Variants in PCNX2 observed in about 807,000 individuals in gnomAD.
PCNX2 encodes pecanex-like protein 2.
PCNX2 carries 168 observed loss-of-function variants against 223.8 expected under a neutral mutation model. The ratio of observed to expected loss-of-function variants is 0.75; its 90% CI spans 0.66 to 0.85. The LOEUF (loss-of-function observed/expected upper bound fraction) is 0.85, where lower values mean the gene tolerates loss of function less well. Ranked by LOEUF, PCNX2 falls within the 40% of genes least tolerant of loss-of-function variation. The probability of loss-of-function intolerance (pLI) is 0.00; values close to 1 mark genes in which losing one functional copy is unlikely to be tolerated. For synonymous variants in PCNX2, 1,006 were observed against 1,052.6 expected, an observed-to-expected ratio of 0.96 and a Z score of 0.86; for missense variants, 2,507 against 2,675.5, an observed-to-expected ratio of 0.94 and a Z score of 1.39.
At chr1:233,093,226 A>G (rs1673978540) in intron 22 of PCNX2, among the ~76,000 whole-genome samples, 1 of 152,240 alleles carries the variant, frequency 6.6e-6, no homozygotes, top group Non-Finnish European at 1.5e-5. Context: ...TCTAATTATT[A>G]GAAGACAATG....
intron 1 of PCNX2, among the ~76,000 whole-genome samples, chr1:233,277,847 T>C (rs1572193475): frequency 6.6e-6 from 1 of 151,868 alleles, no homozygotes; most frequent in East Asian, 1.9e-4. Context: ...GAGACAGACT[T>C]GAAGAGAAGA....
At position 233,258,143 on chromosome 1, in the gene PCNX2, C is replaced by G. The variant is rs1659836798; in HGVS notation, c.1719G>C (p.Glu573Asp). The change falls in exon 5 of 34, where the codon GAG becomes GAC. Residue 573 changes from glutamate to aspartate, a missense_variant. By Grantham distance (45) the Glu-to-Asp change is conservative. Transcript: ENST00000258229. ...LEAKEGQMPNESNFLEFVSLL... is the reference protein window; with the variant it reads ...LEAKEGQMPNDSNFLEFVSLL... ...GGGAGACAAATTCCAGGAAGTTGGA[C>G]TCATTTGGCATTTGTCCTTCCTTAG... The G allele has an allele frequency of 6.2e-7, 1 of 1,613,946 alleles. No individual in the cohort carries two copies. Among genetic ancestry groups the G allele is most frequent in the East Asian group, 2.2e-5 (1 of 44,860 alleles).
At chr1:233,086,893 TGAG>T (rs914182985) in intron 23 of PCNX2, 2 of 477,262 alleles carry the variant, frequency 4.2e-6, no homozygotes, top group Non-Finnish European at 5.5e-6. Context: ...TGCAGGCTTT[TGAG>T]GAGAAGAGTG....
At chr1:233,296,116 C>G (rs777523781), upstream of PCNX2, among the ~76,000 whole-genome samples, 1 of 151,454 alleles carries the variant, frequency 6.6e-6, no homozygotes, top group South Asian at 2.1e-4. Flanking sequence ...CGTTCCTTGT[C>G]CTTGTCCTTT....
intron 15 of PCNX2, among the ~76,000 whole-genome samples, chr1:233,196,957 T>C (rs1680774586): frequency 6.6e-6 from 1 of 152,184 alleles, no homozygotes; most frequent in South Asian, 2.1e-4. Flanking sequence ...ATGATTGTGA[T>C]GGTGGTAACT....
intron 22 of PCNX2, among the ~76,000 whole-genome samples, chr1:233,095,201 T>C (rs1408583567): frequency 5.9e-5 from 9 of 152,242 alleles, no homozygotes; most frequent in Admixed American, 4.6e-4. Context: ...AAAACTATTA[T>C]GTAAACATTG....
intron 12 of PCNX2, among the ~76,000 whole-genome samples, chr1:233,209,702 G>C (rs1681715385): frequency 1.3e-5 from 2 of 152,190 alleles, no homozygotes; most frequent in Admixed American, 6.5e-5. Context: ...GTCCATGGAG[G>C]CTGGCTATGC....
rs1674128937 is a variant in PCNX2 at position 233,095,817 on chromosome 1, G to A, written c.3884C>T (p.Ala1295Val). Residue 1295 changes from alanine (A) to valine (V), a missense_variant, in exon 22 of 34, where the codon GCT becomes GTT. By Grantham distance (64) the Ala-to-Val change is moderately conservative (BLOSUM62 0). This residue lies in a region of PCNX2 where 1,372 missense variants were observed against 1,509.4 expected (regional missense o/e 0.91). Coordinates refer to ENST00000258229, the MANE Select transcript of PCNX2 (RefSeq NM_014801.4). ...AGAACCCCAAGCCATCTGCCAAGGA[G>A]CCACATATGTCAGGACGAACTGTAA... is the stretch of plus-strand genomic sequence containing the variant. The part of the protein sequence containing the change: ...HKLQFVLTYV[A>V]PWQMAWGSSF... The A allele has an allele frequency of 6.2e-7, 1 of 1,612,796 alleles. No individual in the cohort carries two copies. Among genetic ancestry groups the A allele is most frequent in the African/African-American group, 1.3e-5 (1 of 74,916 alleles).
intron 15 of PCNX2, 133 bp from the exon 16 acceptor site, chr1:233,179,308 G>T: frequency 2.2e-6 from 2 of 914,502 alleles, no homozygotes; most frequent in Non-Finnish European, 1.6e-6. Flanking sequence ...CCTGCCCACG[G>T]ACATATAAGC....
chr1:233,285,219 G>T (rs1374904761), intron 1 of PCNX2, among the ~76,000 whole-genome samples: 3 of 152,176 alleles, frequency 2.0e-5, no homozygotes, highest in Non-Finnish European at 4.4e-5. Flanking sequence ...AGATGTGGTG[G>T]TGCATGCCTG....
chr1:233,064,875 GA>G (rs1672533200), intron 23 of PCNX2, among the ~76,000 whole-genome samples: 2 of 152,064 alleles, frequency 1.3e-5, no homozygotes, highest in African/African-American at 4.8e-5. Context: ...TAGCCATACT[GA>G]AAAAATAGGA....
chr1:233,073,122 TTGTA>T (rs1237252336), intron 23 of PCNX2, among the ~76,000 whole-genome samples: 3 of 152,160 alleles, frequency 2.0e-5, no homozygotes, highest in African/African-American at 4.8e-5. Context: ...CTTTGGTAGT[TTGTA>T]TGTCTTTAGG....
At position 233,000,656 on chromosome 1, in the gene PCNX2, C is replaced by G. The variant is rs1391507380; in HGVS notation, c.5098-121G>C. On this transcript the variant is annotated intron_variant, in intron 29 of 33. Transcript: ENST00000258229. The surrounding 1 kb of genome is among the most constrained non-coding windows in gnomAD (Gnocchi z 4.6). ...CTAAGCTCTTTCCTCATCTTCCTCT[C>G]TCCTGTTCTTTTTCCAAATCCTGAG... 1.3e-6 allele frequency: 1 copy of G among 756,792 alleles called. No homozygotes were observed. The highest frequency in any genetic ancestry group is 1.8e-5 in the African/African-American group (1 of 57,074). The allele number at this position is 756,792 out of a possible 1,614,324, so 46.9% of individuals were successfully genotyped here.
chr1:233,234,494 T>A (rs1193531396), intron 9 of PCNX2, among the ~76,000 whole-genome samples: 1 of 152,090 alleles, frequency 6.6e-6, no homozygotes, highest in Admixed American at 6.6e-5. Flanking sequence ...ATGAGTTGAG[T>A]TTTTATGCAT....
At chr1:233,037,600 C>G (rs1192622591) in intron 25 of PCNX2, among the ~76,000 whole-genome samples, 1 of 152,152 alleles carries the variant, frequency 6.6e-6, no homozygotes, top group African/African-American at 2.4e-5. Context: ...CCCGGGATTA[C>G]AGACATGCAC....
In PCNX2 at chr1:233,001,770, A is replaced by T; in HGVS notation, c.4953-89T>A. The T allele has an allele frequency of 1.6e-6, 2 of 1,242,828 alleles. No individual in the cohort carries two copies. The highest frequency in any genetic ancestry group is 2.4e-5 in the South Asian group (1 of 41,234). 77.0% of individuals were successfully genotyped at this position (1,242,828 alleles called of 1,614,324 possible). A position where few individuals can be genotyped will look rare whatever the true frequency, so the allele number is the denominator to read the frequency against. ...TGAGTCTCCCATTTGTCTAAGAATT[A>T]TCTTAACATTTAGGCTGATATAGCA... On this transcript the variant is annotated intron_variant, in intron 28 of 33. Coordinates refer to ENST00000258229, the MANE Select transcript of PCNX2 (RefSeq NM_014801.4). This position sits in a 1 kb window ranked among gnomAD's most constrained non-coding sequence, Gnocchi z 4.2.
chr1:233,103,928 C>T lies in PCNX2; in HGVS notation c.3838-8065G>A, dbSNP rs575063576. 1.8e-4 allele frequency among the ~76,000 whole-genome samples: 28 copies of T among 152,300 alleles called. No homozygotes were observed. The East Asian group carries it at 5.2e-3, about 28-fold the overall frequency. ...ATGCAAGAGGGTTCTCATTTCTCCA[C>T]ATCCTCACCAGCATTTGTTATCATC... On this transcript the variant is annotated intron_variant, in intron 21 of 33. Coordinates refer to ENST00000258229, the MANE Select transcript of PCNX2 (RefSeq NM_014801.4).
At chr1:233,142,027 G>A (rs575694218) in intron 19 of PCNX2, among the ~76,000 whole-genome samples, 1 of 152,318 alleles carries the variant, frequency 6.6e-6, no homozygotes, top group South Asian at 2.1e-4. Flanking sequence ...GGGAGGAAGA[G>A]TGGGAGGAGA....
At chr1:233,078,077 G>A (rs185561145) in intron 23 of PCNX2, among the ~76,000 whole-genome samples, 8 of 152,304 alleles carry the variant, frequency 5.3e-5, no homozygotes, top group South Asian at 4.1e-4. Context: ...AATAAAGTAG[G>A]ATTAGAGTCA....
Sources: allele counts gnomAD v4.1 joint callset (sites outside exome capture counted in the v4.1 genomes callset), GRCh38; gene constraint gnomAD v4.1.1; regional missense constraint gnomAD v4.1.1; non-coding constraint Gnocchi (gnomAD v3.1); transcripts MANE v1.5; gene names NCBI Gene and HGNC (gene_info 2026-07-23, HGNC 2026-07-21).